ADGRD1: variants seen among roughly 807,000 people sequenced by gnomAD.
ADGRD1 encodes the protein adhesion G protein-coupled receptor D1, also known as G-protein coupled receptor 133.
In ADGRD1, 77 loss-of-function variants were observed where a neutral mutation model predicts 113.4. The ratio of observed to expected loss-of-function variants is 0.68; its 90% CI spans 0.57 to 0.82. The LOEUF is 0.82. ADGRD1 is among the 40% of genes least tolerant of loss of function. The pLI, the probability that ADGRD1 is intolerant of heterozygous loss-of-function variation, is 0.00. For missense variants in ADGRD1, 1,036 were observed against 1,139.1 expected (o/e 0.91, Z 1.30); for synonymous variants, 474 against 475.0 (o/e 1.00, Z 0.03).
Position 130,984,820 on chromosome 12 carries a change from CCTTCCTTCCTTCCTTCT to C in ADGRD1, c.491-2274_491-2258del. On this transcript the variant is annotated intron_variant, in intron 5 of 24. Transcript: ENST00000261654. The surrounding 1 kb of genome is among the most constrained non-coding windows in gnomAD (Gnocchi z 4.1). ...CTTTCCCTCCCTCCCTTCCTCCCTC[CCTTCCTTCCTTCCTTCT>C]TGCCTTCCATCCTCCCTTGCTCCCT... is the stretch of plus-strand genomic sequence containing the variant. Among the ~76,000 whole-genome samples, 1 of 148,420 alleles carries C rather than the reference CCTTCCTTCCTTCCTTCT, an allele frequency of 6.7e-6. No individual in the cohort carries two copies. The highest frequency in any genetic ancestry group is 1.5e-5 in the Non-Finnish European group (1 of 67,430).
intron 10 of ADGRD1, 146 bp from the exon 11 acceptor site, chr12:131,004,040 T>TTA: frequency 7.3e-6 from 4 of 548,584 alleles, no homozygotes; most frequent in South Asian, 2.4e-5. Flanking sequence ...TTTTTTTTTT[T>TTA]GAGGCCATGC....
At chr12:131,056,577 G>A (rs1003618657) in intron 13 of ADGRD1, among the ~76,000 whole-genome samples, 1 of 152,294 alleles carries the variant, frequency 6.6e-6, no homozygotes, top group Admixed American at 6.5e-5. Flanking sequence ...TTAACATGAA[G>A]TTGTGGAGAA....
chr12:131,028,997 C>T (rs1195892), intron 13 of ADGRD1, among the ~76,000 whole-genome samples: 76,735 of 152,142 alleles, frequency 0.5, 20,204 homozygotes, highest in East Asian at 0.71. Flanking sequence ...GCCTCTCCCA[C>T]GCCATTGCAG....
chr12:131,004,052 TTC>T, intron 10 of ADGRD1, 132 bp from the exon 11 acceptor site: 2 of 596,710 alleles, frequency 3.4e-6, no homozygotes, highest in Non-Finnish European at 6.0e-6. Context: ...AGGCCATGCT[TTC>T]TAAAGGTAAT....
intron 18 of ADGRD1, among the ~76,000 whole-genome samples, chr12:131,116,161 T>C (rs1950458528): frequency 6.6e-6 from 1 of 152,232 alleles, no homozygotes; most frequent in South Asian, 2.1e-4. Flanking sequence ...GGCCCCACCC[T>C]GTTCTCAGAC....
intron 13 of ADGRD1, among the ~76,000 whole-genome samples, chr12:131,074,272 T>A (rs780867947): frequency 1.3e-5 from 2 of 152,212 alleles, no homozygotes; most frequent in African/African-American, 2.4e-5. Flanking sequence ...CCATTAGACA[T>A]ACCCAAGTGA....
chr12:131,084,649 G>A lies in ADGRD1; in HGVS notation c.1657G>A (p.Val553Met). ...CACCAACTTTGCCATCCTCATGCAG[G>A]TGGTCCCGCTGGAGGTAAGAGCCAG... Reference protein sequence around the residue: ...HLTNFAILMQVVPLELARGHQ... With the variant: ...HLTNFAILMQMVPLELARGHQ... The change falls in exon 15 of 25, where the codon GTG becomes ATG. Residue 553 changes from valine to methionine, a missense_variant. Physicochemically the swap from Val to Met is conservative, Grantham distance 21. Coordinates refer to ENST00000261654, the MANE Select transcript of ADGRD1 (RefSeq NM_198827.5). The surrounding 1 kb of genome is among the most constrained non-coding windows in gnomAD (Gnocchi z 4.5). The A allele has an allele frequency of 6.2e-7, 1 of 1,614,126 alleles. No homozygotes were observed. Among genetic ancestry groups the A allele is most frequent in the Non-Finnish European group, 8.5e-7 (1 of 1,180,008 alleles).
rs530846344 is a variant in ADGRD1, at chr12:130,954,746, G to C, written c.103+86G>C. 1 of 1,329,576 alleles carries C rather than the reference G, an allele frequency of 7.5e-7. No individual in the cohort carries two copies. Among genetic ancestry groups the C allele is most frequent in the Non-Finnish European group, 1.1e-6 (1 of 923,768 alleles). The allele number at this position is 1,329,576 out of a possible 1,614,324, so 82.4% of individuals were successfully genotyped here. A position where few individuals can be genotyped will look rare whatever the true frequency, so the allele number is the denominator to read the frequency against. On this transcript the variant is annotated intron_variant, in intron 2 of 24. Coordinates refer to ENST00000261654, the MANE Select transcript of ADGRD1 (RefSeq NM_198827.5). The surrounding 1 kb of genome is among the most constrained non-coding windows in gnomAD (Gnocchi z 4.7). ...AGGAACAGCCCACTTGTTCATCTCT[G>C]AGGCATCAGCGAATGGCCCTTGTTG...
In ADGRD1 at chr12:131,047,455, G is replaced by A. The variant is rs370309219; in HGVS notation, c.1474-29346G>A. Among the ~76,000 whole-genome samples, 29 of 152,302 alleles carry A rather than the reference G, an allele frequency of 1.9e-4. No individual in the cohort carries two copies. The East Asian group carries it at 2.1e-3, about 11-fold the overall frequency. ...CCGGGCCCCCTTTTGCACCCCTTCC[G>A]CAGCCATCCAGGGAGCCCCCTGTCG... On this transcript the variant is annotated intron_variant, in intron 13 of 24. Coordinates refer to ENST00000261654, the MANE Select transcript of ADGRD1 (RefSeq NM_198827.5).
At chr12:131,076,014 C>T (rs1885574748) in intron 13 of ADGRD1, among the ~76,000 whole-genome samples, 1 of 152,208 alleles carries the variant, frequency 6.6e-6, no homozygotes, top group Non-Finnish European at 1.5e-5. Context: ...ACTATGGCTC[C>T]TGAAGGTGTC....
At position 131,027,057 on chromosome 12, in the gene ADGRD1, T is replaced by C. The variant is rs1880049202; in HGVS notation, c.1473+12717T>C. On this transcript the variant is annotated intron_variant, in intron 13 of 24. Coordinates refer to ENST00000261654, the MANE Select transcript of ADGRD1 (RefSeq NM_198827.5). This position sits in a 1 kb window ranked among gnomAD's most constrained non-coding sequence, Gnocchi z 5.1. ...AGGGATTGTGGCACACAGCTGTTAT[T>C]TCTCTAGGATTTGCTGTGAATGAGG... 6.6e-6 allele frequency: 1 copy of C among 152,204 alleles called. No homozygotes were observed. The highest frequency in any genetic ancestry group is 2.4e-5 in the African/African-American group (1 of 41,462). 9.4% of individuals were successfully genotyped at this position (152,204 alleles called of 1,614,324 possible). A position where few individuals can be genotyped will look rare whatever the true frequency, so the allele number is the denominator to read the frequency against.
intron 19 of ADGRD1, chr12:131,120,551 A>G: frequency 2.0e-6 from 1 of 495,858 alleles, no homozygotes; most frequent in East Asian, 3.8e-5. Context: ...GCTCTGCAGG[A>G]AAGCCAGTCC....
At chr12:130,973,142 C>T (rs990808570) in intron 4 of ADGRD1, 1 of 152,190 alleles carries the variant, frequency 6.6e-6, no homozygotes, top group Non-Finnish European at 1.5e-5. Context: ...GTCGCGGTGG[C>T]CCTGGACTTC....
At chr12:131,017,652 C>T (rs558079939) in intron 13 of ADGRD1, among the ~76,000 whole-genome samples, 1 of 150,954 alleles carries the variant, frequency 6.6e-6, no homozygotes, top group Admixed American at 6.6e-5. Context: ...AGCACAGACA[C>T]ACCCAACACA....
At chr12:131,023,539 C>G (rs1879577341) in intron 13 of ADGRD1, 1 of 152,158 alleles carries the variant, frequency 6.6e-6, no homozygotes, top group Admixed American at 6.5e-5. Context: ...ATAGCCCCTT[C>G]TGTCTCCTGT....
At chr12:130,997,730 A>G (rs1875772724) in intron 8 of ADGRD1, among the ~76,000 whole-genome samples, 1 of 146,632 alleles carries the variant, frequency 6.8e-6, no homozygotes, top group South Asian at 2.2e-4. Context: ...CTGGGCAGCC[A>G]GGCAGAGGGG....
At chr12:131,063,358 A>G (rs1375878558) in intron 13 of ADGRD1, among the ~76,000 whole-genome samples, 1 of 152,242 alleles carries the variant, frequency 6.6e-6, no homozygotes, top group Non-Finnish European at 1.5e-5. Flanking sequence ...TTTTGGTGTC[A>G]TCACTAAGAA....
In ADGRD1 at chr12:130,966,448, TC is replaced by T; in HGVS notation, c.104-14del. 1 of 1,568,578 alleles carries T rather than the reference TC, an allele frequency of 6.4e-7. No individual in the cohort carries two copies. Among genetic ancestry groups the T allele is most frequent in the Non-Finnish European group, 8.8e-7 (1 of 1,138,652 alleles). On this transcript the variant is annotated splice_polypyrimidine_tract_variant and intron_variant, in intron 2 of 24. Coordinates refer to ENST00000261654, the MANE Select transcript of ADGRD1 (RefSeq NM_198827.5). The surrounding 1 kb of genome is among the most constrained non-coding windows in gnomAD (Gnocchi z 4.6). Reference sequence around the variant, plus strand: ...TCTAATGATGATTTAAAATTTTTATTCTTTTTTCCCCAAGGATTTCAGGTGT... The same window carrying T: ...TCTAATGATGATTTAAAATTTTTATTTTTTTTCCCCAAGGATTTCAGGTGT...
intron 2 of ADGRD1, among the ~76,000 whole-genome samples, chr12:130,955,854 T>A (rs971300096): frequency 6.6e-6 from 1 of 152,210 alleles, no homozygotes; most frequent in African/African-American, 2.4e-5. Context: ...GAGATCTCAG[T>A]CTCGGCTCTC....
Sources: gnomAD v4.1 joint callset for allele counts (sites outside exome capture counted in the v4.1 genomes callset) on GRCh38, gnomAD v4.1.1 for gene constraint, Gnocchi (gnomAD v3.1) non-coding constraint, MANE v1.5 for transcripts, NCBI Gene and HGNC (gene_info 2026-07-23, HGNC 2026-07-21) for gene names.